Variants in ST6GAL2 observed in about 807,000 individuals in gnomAD.
ST6GAL2 encodes the protein ST6 beta-galactoside alpha-2,6-sialyltransferase 2.
ST6GAL2 carries 24 observed loss-of-function variants against 37.5 expected under a neutral mutation model. The observed-to-expected ratio is 0.64, with a 90% CI of 0.46 to 0.90. The LOEUF (loss-of-function observed/expected upper bound fraction) is 0.90, where lower values mean the gene tolerates loss of function less well. Ranked by LOEUF, ST6GAL2 falls within the 40% of genes least tolerant of loss-of-function variation. ST6GAL2 has a pLI of 0.00. For synonymous variants in ST6GAL2, 306 were observed against 295.1 expected (o/e 1.04, Z -0.38); for missense variants, 715 against 712.7 (o/e 1.00, Z -0.04).
At chr2:106,864,763 G>T (rs975080426) in intron 1 of ST6GAL2, among the ~76,000 whole-genome samples, 1 of 152,188 alleles carries the variant, frequency 6.6e-6, no homozygotes, top group Non-Finnish European at 1.5e-5. Flanking sequence ...GATGCTCAAA[G>T]AATCTTCATT....
intron 1 of ST6GAL2, among the ~76,000 whole-genome samples, chr2:106,871,275 C>G (rs1051222775): frequency 6.6e-6 from 1 of 152,204 alleles, no homozygotes; most frequent in Non-Finnish European, 1.5e-5. Flanking sequence ...ACTTCCATGA[C>G]TAGAAGTTGC....
At chr2:106,885,581 G>A (rs1408147641) in intron 1 of ST6GAL2, among the ~76,000 whole-genome samples, 1 of 152,054 alleles carries the variant, frequency 6.6e-6, no homozygotes, top group Non-Finnish European at 1.5e-5. Flanking sequence ...TGAGATGGAC[G>A]TCACACTCCC....
intron 1 of ST6GAL2, among the ~76,000 whole-genome samples, chr2:106,869,114 G>A (rs1452566756): frequency 6.6e-6 from 1 of 152,112 alleles, no homozygotes; most frequent in Non-Finnish European, 1.5e-5. Flanking sequence ...GGGAGGGGTG[G>A]TGGGCTTTGG....
intron 4 of ST6GAL2, among the ~76,000 whole-genome samples, chr2:106,831,741 G>A (rs1490530407): frequency 6.6e-6 from 1 of 152,046 alleles, no homozygotes; most frequent in Non-Finnish European, 1.5e-5. Flanking sequence ...CCTTCTCCAG[G>A]AGCCGCTTTT....
At chr2:106,818,083 T>C (rs1210109530) in intron 5 of ST6GAL2, among the ~76,000 whole-genome samples, 1 of 152,116 alleles carries the variant, frequency 6.6e-6, no homozygotes, top group Non-Finnish European at 1.5e-5. Context: ...ATCCTAAGTT[T>C]CCGACTCTAG....
chr2:106,818,235 C>A (rs1573213632), intron 5 of ST6GAL2, among the ~76,000 whole-genome samples: 1 of 152,140 alleles, frequency 6.6e-6, no homozygotes. Context: ...AGGCAGTAGC[C>A]AGGCAGTGGT....
intron 1 of ST6GAL2, among the ~76,000 whole-genome samples, chr2:106,861,620 TTTTTTTTC>T (rs1030937138): frequency 1.1e-4 from 16 of 151,900 alleles, no homozygotes; most frequent in Admixed American, 2.6e-4. Context: ...TTATTCTTTC[TTTTTTTTC>T]TTTTTTTCTT....
intron 5 of ST6GAL2, among the ~76,000 whole-genome samples, chr2:106,816,697 T>C (rs1042417774): frequency 1.2e-4 from 19 of 152,164 alleles, no homozygotes; most frequent in African/African-American, 4.3e-4. Flanking sequence ...CACCAATTAA[T>C]TGTCCTGCCA....
intron 1 of ST6GAL2, among the ~76,000 whole-genome samples, chr2:106,864,875 A>G (rs1475011002): frequency 2.0e-5 from 3 of 152,206 alleles, no homozygotes; most frequent in Non-Finnish European, 1.5e-5. Context: ...CTCCGACAGT[A>G]AATTTGATTC....
intron 1 of ST6GAL2, among the ~76,000 whole-genome samples, chr2:106,860,113 C>T (rs1677738330): frequency 6.6e-6 from 1 of 152,136 alleles, no homozygotes. Context: ...AGCTCAAATG[C>T]CACCTATTTA....
chr2:106,841,910 G>T (rs1359569958), intron 2 of ST6GAL2, among the ~76,000 whole-genome samples: 1 of 152,206 alleles, frequency 6.6e-6, no homozygotes, highest in Non-Finnish European at 1.5e-5. Flanking sequence ...ATCTTGGCTA[G>T]GCCACAGTGC....
chr2:106,854,862 A>G (rs1042328034), intron 1 of ST6GAL2, among the ~76,000 whole-genome samples: 2 of 151,032 alleles, frequency 1.3e-5, no homozygotes, highest in Non-Finnish European at 1.5e-5. Context: ...TTCATGTTTC[A>G]TGTTTCTCAA....
Position 106,804,841 on chromosome 2 carries a change from C to CAAAAAAAAAAAAAAAAAAAAAAAA in ST6GAL2, c.*1836_*1837insTTTTTTTTTTTTTTTTTTTTTTTT, listed in dbSNP as rs10650737. 1 of 102,738 alleles carries CAAAAAAAAAAAAAAAAAAAAAAAA rather than the reference C, an allele frequency of 9.7e-6. No individual in the cohort carries two copies. The allele number at this position is 102,738 out of a possible 1,614,324, so 6.4% of individuals were successfully genotyped here. ...TGGGCGACAGAGCGAGAGACTGTCT[C>CAAAAAAAAAAAAAAAAAAAAAAAA]AAAAAAAAAAAAAAAAAAGAAAAGA... On this transcript the variant is annotated 3_prime_UTR_variant, in exon 6 of 6. Coordinates refer to ENST00000409382, the MANE Select transcript of ST6GAL2 (RefSeq NM_001142351.2).
chr2:106,879,687 CAATT>C (rs1678661170), intron 1 of ST6GAL2, among the ~76,000 whole-genome samples: 2 of 146,504 alleles, frequency 1.4e-5, no homozygotes, highest in Non-Finnish European at 3.0e-5. Flanking sequence ...TATATTAGAC[CAATT>C]ATATATTATT....
At chr2:106,855,349 G>A (rs1475727354) in intron 1 of ST6GAL2, among the ~76,000 whole-genome samples, 1 of 152,206 alleles carries the variant, frequency 6.6e-6, no homozygotes, top group Non-Finnish European at 1.5e-5. Flanking sequence ...TACGTGGTAA[G>A]AGCTACACTT....
rs191497887 is a variant in ST6GAL2 at position 106,855,342 on chromosome 2, G to C, written c.-57-11308C>G. On this transcript the variant is annotated intron_variant, in intron 1 of 5. Transcript: ENST00000409382. ...TCTCTCTTTGGAAATGGTGTTTTAC[G>C]TGGTAAGAGCTACACTTAAAAAGAT... Among the ~76,000 whole-genome samples the C allele has an allele frequency of 3.9e-5, 6 of 152,308 alleles. No individual in the cohort carries two copies. In the East Asian group the frequency reaches 1.2e-3, roughly 29 times the overall value.
At chr2:106,807,054 A>C (rs778407180) in intron 5 of ST6GAL2, 105 bp from the exon 6 acceptor site, 7 of 945,890 alleles carry the variant, frequency 7.4e-6, no homozygotes, top group Non-Finnish European at 1.1e-5. Context: ...GTGGCAAGAG[A>C]CACTTACTTT....
chr2:106,839,598 A>T (rs1292342932), intron 2 of ST6GAL2, among the ~76,000 whole-genome samples: 1 of 152,036 alleles, frequency 6.6e-6, no homozygotes, highest in Non-Finnish European at 1.5e-5. Context: ...AGGTAACAGG[A>T]CATGTCAAAT....
intron 1 of ST6GAL2, among the ~76,000 whole-genome samples, chr2:106,848,297 GT>G (rs1677227031): frequency 6.6e-6 from 1 of 152,130 alleles, no homozygotes; most frequent in South Asian, 2.1e-4. Context: ...AATTCCAAAA[GT>G]TTTAGAAGTT....
Sources: gnomAD v4.1 joint callset for allele counts (sites outside exome capture counted in the v4.1 genomes callset) on GRCh38, gnomAD v4.1.1 for gene constraint, MANE v1.5 for transcripts, NCBI Gene and HGNC (gene_info 2026-07-23, HGNC 2026-07-21) for gene names.